Variants in SLC14A2 observed in about 807,000 individuals in gnomAD.
SLC14A2 encodes the protein solute carrier family 14 member 2, also known as urea transporter 2.
Under a neutral mutation model 104.6 loss-of-function variants are expected in SLC14A2, and 91 were observed. The ratio of observed to expected loss-of-function variants is 0.87; its 90% CI spans 0.73 to 1.04. The LOEUF (loss-of-function observed/expected upper bound fraction) is 1.04. Ranked by LOEUF, SLC14A2 falls within the 50% of genes least tolerant of loss-of-function variation. The probability of loss-of-function intolerance (pLI) is 0.00; values close to 1 mark genes in which losing one functional copy is unlikely to be tolerated. For synonymous variants in SLC14A2, 476 were observed against 466.4 expected, an observed-to-expected ratio of 1.02 and a Z score of -0.27; for missense variants, 1,189 against 1,156.0, an observed-to-expected ratio of 1.03 and a Z score of -0.41.
Position 45,644,110 on chromosome 18 carries a change from G to C in SLC14A2, c.1301G>C (p.Arg434Pro), listed in dbSNP as rs201109161. 6.2e-7 allele frequency: 1 copy of C among 1,614,166 alleles called. No homozygotes were observed. The highest frequency in any genetic ancestry group is 1.7e-5 in the Admixed American group (1 of 60,028). ...AAAGTCACCTACCCCGAGGCCAACC[G>C]CATCTACTACCTGACAGTGAAAAGC... ...LSKVTYPEAN[R>P]IYYLTVKSGE... is the part of the protein sequence containing the mutation. Residue 434 changes from arginine (R) to proline (P), a missense_variant, in exon 10 of 20, where the codon CGC (arginine) becomes CCC (proline). Physicochemically the swap from Arg to Pro is moderately radical, Grantham distance 103. Coordinates refer to ENST00000255226, the MANE Select transcript of SLC14A2 (RefSeq NM_007163.4).
At chr18:45,475,641 GGATATATA>G (rs2087351958) in intron 1 of SLC14A2, among the ~76,000 whole-genome samples, 2 of 11,650 alleles carry the variant, frequency 1.7e-4, no homozygotes, top group Non-Finnish European at 1.9e-4. Flanking sequence ...TATATATTTA[GGATATATA>G]TATATATATA....
At chr18:45,282,771 G>A (rs1055151617) in intron 1 of SLC14A2, among the ~76,000 whole-genome samples, 14 of 152,092 alleles carry the variant, frequency 9.2e-5, no homozygotes, top group African/African-American at 3.4e-4. Context: ...TGTATATTCT[G>A]CTTTTGTTTG....
chr18:45,282,426 G>A (rs1164118276), intron 1 of SLC14A2, among the ~76,000 whole-genome samples: 1 of 152,130 alleles, frequency 6.6e-6, no homozygotes, highest in Admixed American at 6.5e-5. Context: ...GCTGGCCTTG[G>A]AGACTGGGTT....
intron 1 of SLC14A2, among the ~76,000 whole-genome samples, chr18:45,306,664 G>A (rs1304192687): frequency 6.6e-6 from 1 of 152,196 alleles, no homozygotes; most frequent in African/African-American, 2.4e-5. Flanking sequence ...ACTGCAGCTT[G>A]AGTAGAAGAG....
chr18:45,347,467 A>G (rs2085460816), intron 1 of SLC14A2, among the ~76,000 whole-genome samples: 2 of 152,234 alleles, frequency 1.3e-5, no homozygotes, highest in Non-Finnish European at 2.9e-5. Flanking sequence ...CTTTTCATAA[A>G]GAGAACCACT....
chr18:45,261,079 C>T (rs989570662), intron 1 of SLC14A2, among the ~76,000 whole-genome samples: 7 of 151,070 alleles, frequency 4.6e-5, no homozygotes, highest in East Asian at 1.9e-4. Context: ...TAGTTACATA[C>T]GTATACGTGT....
chr18:45,450,184 G>C (rs1431380897), intron 1 of SLC14A2, among the ~76,000 whole-genome samples: 2 of 152,236 alleles, frequency 1.3e-5, no homozygotes, highest in East Asian at 3.8e-4. Context: ...GACAGAGTCA[G>C]ACAGCACATT....
rs2043112780 is a variant in SLC14A2 at position 45,497,234 on chromosome 18, ACTGCTTC to A, written c.-35+13916_-35+13922del. 2.0e-5 allele frequency among the ~76,000 whole-genome samples: 3 copies of A among 152,056 alleles called. No individual in the cohort carries two copies. The South Asian group carries it at 6.2e-4, about 32-fold the overall frequency. ...TTTGGCTCTTTCCTCACTATACCCT[ACTGCTTC>A]CTGGACTCTTGCAAGCATGAACCTG... On this transcript the variant is annotated intron_variant, in intron 2 of 20. Transcript: ENST00000586448.
At chr18:45,428,631 G>A (rs1294152437) in intron 1 of SLC14A2, among the ~76,000 whole-genome samples, 2 of 152,102 alleles carry the variant, frequency 1.3e-5, no homozygotes, top group Non-Finnish European at 2.9e-5. Flanking sequence ...GGCTGTACTT[G>A]GAAAAGTAGA....
chr18:45,488,927 C>T (rs975493952), intron 2 of SLC14A2, among the ~76,000 whole-genome samples: 1 of 152,204 alleles, frequency 6.6e-6, no homozygotes, highest in Non-Finnish European at 1.5e-5. Flanking sequence ...ATGGACAAGA[C>T]GAACTCCCCA....
At chr18:45,638,144 C>T (rs141459461) in intron 6 of SLC14A2, among the ~76,000 whole-genome samples, 1 of 152,286 alleles carries the variant, frequency 6.6e-6, no homozygotes, top group African/African-American at 2.4e-5. Context: ...CAGATGTTGG[C>T]AATCATGGGA....
chr18:45,435,041 CTG>C (rs1185123321), intron 1 of SLC14A2, among the ~76,000 whole-genome samples: 1 of 152,108 alleles, frequency 6.6e-6, no homozygotes, highest in Admixed American at 6.6e-5. Context: ...ATTCAAGACT[CTG>C]TTTATAATAA....
intron 1 of SLC14A2, among the ~76,000 whole-genome samples, chr18:45,402,347 C>T (rs1042261719): frequency 2.6e-5 from 4 of 152,114 alleles, no homozygotes; most frequent in African/African-American, 4.8e-5. Flanking sequence ...TCAGCCAGTT[C>T]GCCGATAATA....
At chr18:45,518,721 G>T (rs1240938506) in intron 2 of SLC14A2, among the ~76,000 whole-genome samples, 1 of 152,178 alleles carries the variant, frequency 6.6e-6, no homozygotes, top group Non-Finnish European at 1.5e-5. Flanking sequence ...GAAAAAGACG[G>T]ATAATCTAGG....
At chr18:45,612,225 A>G (rs1019025619), upstream of SLC14A2, among the ~76,000 whole-genome samples, 1 of 152,228 alleles carries the variant, frequency 6.6e-6, no homozygotes, top group Non-Finnish European at 1.5e-5. Context: ...CAACAGAGAG[A>G]ACTGCCCAGA....
intron 1 of SLC14A2, 95 bp from the exon 2 acceptor site, chr18:45,624,536 C>T (rs1418741013): frequency 2.5e-6 from 2 of 814,042 alleles, no homozygotes; most frequent in Admixed American, 5.6e-5. Flanking sequence ...CACTGTCCAA[C>T]CCCCAGGACA....
chr18:45,588,363 A>ATTCTGTTTACAGGGGAC (rs1452644557), intron 2 of SLC14A2, among the ~76,000 whole-genome samples: 1 of 152,144 alleles, frequency 6.6e-6, no homozygotes, highest in Admixed American at 6.5e-5. Flanking sequence ...ATATGTAACA[A>ATTCTGTTTACAGGGGAC]TTCTGTTTAC....
At chr18:45,182,930 A>T in the SLC14A2 span, among the ~76,000 whole-genome samples, 1 of 152,056 alleles carries the variant, frequency 6.6e-6, no homozygotes, top group Non-Finnish European at 1.5e-5. Context: ...TTGCCAAGAA[A>T]TTTTTTTTAA....
intron 1 of SLC14A2, among the ~76,000 whole-genome samples, chr18:45,415,736 C>T (rs2086269676): frequency 6.6e-6 from 1 of 152,092 alleles, no homozygotes; most frequent in Admixed American, 6.6e-5. Context: ...TCTAATGGGG[C>T]TGAGTGGAGC....
Sources: gnomAD v4.1 joint callset for allele counts (sites outside exome capture counted in the v4.1 genomes callset) on GRCh38, gnomAD v4.1.1 for gene constraint, MANE v1.5 for transcripts, NCBI Gene and HGNC (gene_info 2026-07-23, HGNC 2026-07-21) for gene names.